Variants in CUX2 observed in about 807,000 individuals in gnomAD.
CUX2 encodes the protein cut like homeobox 2.
A neutral mutation model predicts 144.8 loss-of-function variants in CUX2; 40 were observed. The ratio of observed to expected loss-of-function variants is 0.28; its 90% confidence interval spans 0.21 to 0.36. The LOEUF (loss-of-function observed/expected upper bound fraction) is 0.36, where lower values mean the gene tolerates loss of function less well. CUX2 is among the 10% of genes least tolerant of loss of function. The probability of loss-of-function intolerance (pLI) is 1.00; values close to 1 mark genes in which losing one functional copy is unlikely to be tolerated. For synonymous variants in CUX2, 827 were observed against 875.6 expected (o/e 0.94, Z 0.98); for missense variants, 1,615 against 1,994.0 (o/e 0.81, Z 3.62).
At chr12:111,329,854 C>T (rs1190560495) in intron 18 of CUX2, among the ~76,000 whole-genome samples, 3 of 152,284 alleles carry the variant, frequency 2.0e-5, no homozygotes, top group South Asian at 4.1e-4. Flanking sequence ...CCAGGCTGGT[C>T]TCGAACCCCT....
Position 111,322,598 on chromosome 12 carries a change from C to T in CUX2, c.2926+18C>T. On this transcript the variant is annotated intron_variant, in intron 18 of 21. Coordinates refer to ENST00000261726, the MANE Select transcript of CUX2 (RefSeq NM_015267.4). The surrounding 1 kb of genome is among the most constrained non-coding windows in gnomAD (Gnocchi z 4.2). ...CTCCCAGGGTGAGTGCGGGCAGGAG[C>T]ATCTCAGGGGGTGCTGGCAAACTTC... The T allele has an allele frequency of 6.2e-7, 1 of 1,602,312 alleles. No individual in the cohort carries two copies. The highest frequency in any genetic ancestry group is 1.1e-5 in the South Asian group (1 of 90,192).
intron 1 of CUX2, among the ~76,000 whole-genome samples, chr12:111,062,129 A>G (rs898550594): frequency 6.6e-6 from 1 of 152,186 alleles, no homozygotes; most frequent in African/African-American, 2.4e-5. Context: ...TGCTTAGTGT[A>G]TACTGGGTGC....
chr12:111,222,821 G>A (rs938532209), intron 3 of CUX2, among the ~76,000 whole-genome samples: 14 of 152,144 alleles, frequency 9.2e-5, no homozygotes, highest in African/African-American at 2.9e-4. Context: ...CTCAGGGTCT[G>A]GGGGAATTCG....
chr12:111,342,676 A>G (rs1888628094), intron 21 of CUX2, among the ~76,000 whole-genome samples: 1 of 151,564 alleles, frequency 6.6e-6, no homozygotes. Context: ...CCTAGCGTGT[A>G]GGCCAGGCGC....
intron 17 of CUX2, among the ~76,000 whole-genome samples, chr12:111,321,403 G>A (rs1255498967): frequency 6.6e-6 from 1 of 151,966 alleles, no homozygotes; most frequent in East Asian, 1.9e-4. Flanking sequence ...TGGGAGGCAG[G>A]GGTTGCAGCG....
Position 111,220,743 on chromosome 12 carries a change from C to CA in CUX2, c.222+2843dup, listed in dbSNP as rs549438290. Among the ~76,000 whole-genome samples the CA allele has an allele frequency of 2.8e-3, 110 of 39,128 alleles. 14 individuals are homozygous for CA. Among genetic ancestry groups the CA allele is most frequent in the East Asian group, 4.4e-3 (3 of 676 alleles). 25.7% of individuals were successfully genotyped at this position (39,128 alleles called of 152,430 possible). Reference sequence around the variant, plus strand: ...GCAATATAATGAGACCTCATCTCTGCAAAAAAAAAAAAAAAAAAAAAAAAA... The same window carrying CA: ...GCAATATAATGAGACCTCATCTCTGCAAAAAAAAAAAAAAAAAAAAAAAAAA... On this transcript the variant is annotated intron_variant, in intron 3 of 21. Coordinates refer to ENST00000261726, the MANE Select transcript of CUX2 (RefSeq NM_015267.4).
chr12:111,252,023 A>C (rs1565873538), intron 3 of CUX2, among the ~76,000 whole-genome samples: 1 of 152,136 alleles, frequency 6.6e-6, no homozygotes, highest in Non-Finnish European at 1.5e-5. Flanking sequence ...CTACAAAAAA[A>C]GAAAACGAAA....
rs943588438 is a variant in CUX2 at position 111,338,278 on chromosome 12, A to G, written c.3197-8A>G. 13 of 1,599,554 alleles carry G rather than the reference A, an allele frequency of 8.1e-6. No individual in the cohort carries two copies. Among genetic ancestry groups the G allele is most frequent in the Non-Finnish European group, 9.4e-6 (11 of 1,171,930 alleles). Reference sequence around the variant, plus strand: ...GGGTAACAGATTGCTCCCCTCCCCTATCCCCAGGGCAGCGGCTGTTTGGGG... The same window carrying G: ...GGGTAACAGATTGCTCCCCTCCCCTGTCCCCAGGGCAGCGGCTGTTTGGGG... On this transcript the variant is annotated splice_polypyrimidine_tract_variant and splice_region_variant and intron_variant, in intron 19 of 21. Transcript: ENST00000261726.
rs759781666 is a variant in CUX2, at chr12:111,061,669, C to T, written c.63+27429C>T. On this transcript the variant is annotated intron_variant, in intron 1 of 21. Coordinates refer to ENST00000261726, the MANE Select transcript of CUX2 (RefSeq NM_015267.4). This position sits in a 1 kb window ranked among gnomAD's most constrained non-coding sequence, Gnocchi z 4.2. Reference sequence around the variant, plus strand: ...TTCTCCACGTCATTTTGCTGTCTTTCGGACAAGCGTTTTACCTGCCCGATG... The same window carrying T: ...TTCTCCACGTCATTTTGCTGTCTTTTGGACAAGCGTTTTACCTGCCCGATG... 3.9e-4 allele frequency among the ~76,000 whole-genome samples: 59 copies of T among 152,172 alleles called. 1 individual carries two copies. Among genetic ancestry groups the T allele is most frequent in the Non-Finnish European group, 6.8e-4 (46 of 68,036 alleles).
In CUX2 at chr12:111,171,592, A is replaced by T. The variant is rs1018211427; in HGVS notation, c.64-42608A>T. ...TCTCCGGAGCACAGCCACCTGACAC[A>T]TCTGGGGCTATGGGACGGAAAAGCC... On this transcript the variant is annotated intron_variant, in intron 1 of 21. Coordinates refer to ENST00000261726, the MANE Select transcript of CUX2 (RefSeq NM_015267.4). This position sits in a 1 kb window ranked among gnomAD's most constrained non-coding sequence, Gnocchi z 5.0. Among the ~76,000 whole-genome samples, 2 of 152,232 alleles carry T rather than the reference A, an allele frequency of 1.3e-5. No individual in the cohort carries two copies. Among genetic ancestry groups the T allele is most frequent in the South Asian group, 4.1e-4 (2 of 4,828 alleles).
intron 1 of CUX2, among the ~76,000 whole-genome samples, chr12:111,133,007 C>A (rs577234724): frequency 6.6e-6 from 1 of 152,288 alleles, no homozygotes; most frequent in African/African-American, 2.4e-5. Flanking sequence ...AGGGCAGGGG[C>A]AAAATGCTGC....
intron 1 of CUX2, among the ~76,000 whole-genome samples, chr12:111,156,894 G>A (rs966172070): frequency 7.0e-6 from 1 of 142,624 alleles, no homozygotes; most frequent in Non-Finnish European, 1.5e-5. Context: ...GCTGAGGCAG[G>A]AGAATTGCTT....
intron 4 of CUX2, among the ~76,000 whole-genome samples, chr12:111,280,171 C>T (rs1885056093): frequency 6.6e-6 from 1 of 152,096 alleles, no homozygotes; most frequent in African/African-American, 2.4e-5. Flanking sequence ...CGCCTGTAAT[C>T]TCAGCTACTT....
chr12:111,262,178 C>A (rs949214460), intron 3 of CUX2, among the ~76,000 whole-genome samples: 4 of 152,136 alleles, frequency 2.6e-5, no homozygotes, highest in African/African-American at 9.7e-5. Flanking sequence ...GTGTCCCCAC[C>A]GGACTGTAAG....
In CUX2 at chr12:111,246,307, T is replaced by A. The variant is rs1299953489; in HGVS notation, c.223-17454T>A. 2.0e-5 allele frequency among the ~76,000 whole-genome samples: 3 copies of A among 152,196 alleles called. No individual in the cohort carries two copies. The highest frequency in any genetic ancestry group is 4.4e-5 in the Non-Finnish European group (3 of 68,028). On this transcript the variant is annotated intron_variant, in intron 3 of 21. Coordinates refer to ENST00000261726, the MANE Select transcript of CUX2 (RefSeq NM_015267.4). The surrounding 1 kb of genome is among the most constrained non-coding windows in gnomAD (Gnocchi z 4.0). ...ATTGGCAGACACTACAAATCAGACC[T>A]TTTTTATTTTTTCTCACCAGTCAGC...
intron 4 of CUX2, among the ~76,000 whole-genome samples, chr12:111,284,964 C>T (rs1377897839): frequency 6.6e-6 from 1 of 152,172 alleles, no homozygotes; most frequent in African/African-American, 2.4e-5. Context: ...GCTTCCTGGC[C>T]AGGCTGCCCT....
chr12:111,190,570 G>T lies in CUX2; in HGVS notation c.64-23630G>T, dbSNP rs536051353. 7.7e-4 allele frequency among the ~76,000 whole-genome samples: 117 copies of T among 152,226 alleles called. No individual in the cohort carries two copies. The highest frequency in any genetic ancestry group is 3.4e-3 in the Middle Eastern group (1 of 294). On this transcript the variant is annotated intron_variant, in intron 1 of 21. Transcript: ENST00000261726. This position sits in a 1 kb window ranked among gnomAD's most constrained non-coding sequence, Gnocchi z 4.0. ...ATTTTCCCACCTCTTGATGCTTTTT[G>T]ACTATGAGATGAGTTCATCTTTCCT...
chr12:111,062,435 C>T (rs537725952), intron 1 of CUX2, among the ~76,000 whole-genome samples: 23 of 152,310 alleles, frequency 1.5e-4, no homozygotes, highest in African/African-American at 5.5e-4. Context: ...AGCTGTGTGG[C>T]CCCATTCACA....
In CUX2 at chr12:111,320,414, C is replaced by T. The variant is rs750824897; in HGVS notation, c.2405C>T (p.Ser802Phe). Residue 802 changes from serine (S) to phenylalanine (F), a missense_variant, in exon 17 of 22, where the codon TCC (serine) becomes TTC (phenylalanine). Physicochemically the swap from Ser to Phe is radical, Grantham distance 155 (BLOSUM62 -2). This residue lies in a region of CUX2 where 390 missense variants were observed against 387.1 expected (regional missense o/e 1.01). Coordinates refer to ENST00000261726, the MANE Select transcript of CUX2 (RefSeq NM_015267.4). This position sits in a 1 kb window ranked among gnomAD's most constrained non-coding sequence, Gnocchi z 8.1. ...DRGLLSRPYASVSPSLSSSSS... is the reference protein window; with the variant it reads ...DRGLLSRPYAFVSPSLSSSSS... ...GGCCTGCTCAGCCGCCCCTACGCCT[C>T]CGTGTCGCCCTCGCTGTCCTCCTCC... 6.3e-7 allele frequency: 1 copy of T among 1,597,784 alleles called. No homozygotes were observed.
Sources: gnomAD v4.1 joint callset for allele counts (sites outside exome capture counted in the v4.1 genomes callset) on GRCh38, gnomAD v4.1.1 for gene constraint, gnomAD v4.1.1 regional missense constraint, Gnocchi (gnomAD v3.1) non-coding constraint, MANE v1.5 for transcripts, NCBI Gene and HGNC (gene_info 2026-07-23, HGNC 2026-07-21) for gene names.